MCF2: variants seen among roughly 807,000 people sequenced by gnomAD.
MCF2 encodes MCF.2 cell line derived transforming sequence, also known as proto-oncogene DBL.
MCF2 carries 44 observed loss-of-function variants against 82.5 expected under a neutral mutation model. The ratio of observed to expected loss-of-function variants is 0.53; its 90% CI spans 0.42 to 0.69. The LOEUF is 0.69. Ranked by LOEUF, MCF2 falls within the 30% of genes least tolerant of loss-of-function variation. The probability of loss-of-function intolerance (pLI) is 0.00; values close to 1 mark genes in which losing one functional copy is unlikely to be tolerated. For missense variants in MCF2, 623 were observed against 663.1 expected, an observed-to-expected ratio of 0.94 and a Z score of 0.66; for synonymous variants, 217 against 224.9, an observed-to-expected ratio of 0.96 and a Z score of 0.32.
intron 1 of MCF2, among the ~76,000 whole-genome samples, chrX:139,678,232 C>A (rs374273027): frequency 1.5e-4 from 17 of 111,901 alleles, no homozygotes; most frequent in African/African-American, 5.5e-4. Context: ...AGGCCAAAAT[C>A]ATTACTTAGG....
At chrX:139,628,040 A>G (rs1189582721) in intron 4 of MCF2, among the ~76,000 whole-genome samples, 1 of 112,279 alleles carries the variant, frequency 8.9e-6, no homozygotes, top group African/African-American at 3.2e-5. Flanking sequence ...GATGTAAATT[A>G]GTTCAGTCAC....
chrX:139,700,980 T>C (rs1935482371), intron 1 of MCF2, among the ~76,000 whole-genome samples: 2 of 111,202 alleles, frequency 1.8e-5, no homozygotes, highest in African/African-American at 3.3e-5. Context: ...TAAAAGACTC[T>C]AATGTGGGAA....
In MCF2 at chrX:139,681,063, T is replaced by G. The variant is rs183100025; in HGVS notation, c.-45+27043A>C. The stretch of plus-strand genomic sequence containing the variant: ...GCAAACTCAAAGATGCCCCCAAATA[T>G]GCATATTCCTTCTAATTGCCATCAA... On this transcript the variant is annotated intron_variant, in intron 1 of 27. Coordinates refer to the MCF2 transcript ENST00000414978. Among the ~76,000 whole-genome samples the G allele has an allele frequency of 2.1e-3, 241 of 112,542 alleles. 1 individual carries two copies. The highest frequency in any genetic ancestry group is 3.7e-3 in the Non-Finnish European group (198 of 53,338).
exon 15 of MCF2, chrX:139,604,682 C>G: frequency 8.5e-7 from 1 of 1,170,848 alleles, no homozygotes; most frequent in South Asian, 2.0e-5. Flanking sequence ...TTAACTAACC[C>G]TTTCCAGGAA....
intron 1 of MCF2, among the ~76,000 whole-genome samples, chrX:139,675,347 C>T (rs928054972): frequency 1.8e-5 from 2 of 112,460 alleles, no homozygotes; most frequent in East Asian, 2.8e-4. Context: ...CCATTGCTGG[C>T]GAGGAGATGC....
At chrX:139,701,218 C>A (rs1022012394) in intron 1 of MCF2, among the ~76,000 whole-genome samples, 3 of 111,791 alleles carry the variant, frequency 2.7e-5, no homozygotes, top group African/African-American at 9.8e-5. Flanking sequence ...CCTATAAATA[C>A]CCCCACCAGT....
intron 19 of MCF2, among the ~76,000 whole-genome samples, chrX:139,595,212 C>A (rs1371502094): frequency 9.2e-6 from 1 of 108,608 alleles, no homozygotes; most frequent in East Asian, 2.9e-4. Context: ...TTTGACCCAG[C>A]CATCCCATTA....
chrX:139,582,104 T>C, exon 25 of MCF2: 1 of 242,894 alleles, frequency 4.1e-6, no homozygotes, highest in Non-Finnish European at 7.4e-6. Context: ...TACTTGACCT[T>C]AGCCATTTTG....
intron 6 of MCF2, among the ~76,000 whole-genome samples, chrX:139,625,123 T>A (rs17002177): frequency 0.011 from 1,195 of 111,467 alleles, 15 homozygotes; most frequent in African/African-American, 0.037. Context: ...CATGTCACTA[T>A]GAGACACACC....
At chrX:139,604,782 G>A in intron 14 of MCF2, 32 bp from the exon 19 acceptor site, 2 of 1,117,448 alleles carry the variant, frequency 1.8e-6, no homozygotes, top group Non-Finnish European at 2.4e-6. Flanking sequence ...AAAATTGCAT[G>A]ATTTTATGTG....
At chrX:139,588,708 T>G (rs1929203910) in intron 20 of MCF2, among the ~76,000 whole-genome samples, 1 of 109,616 alleles carries the variant, frequency 9.1e-6, no homozygotes, top group East Asian at 2.9e-4. Context: ...CCCAGGAGTT[T>G]GAGACCAGCC....
intron 1 of MCF2, among the ~76,000 whole-genome samples, chrX:139,696,404 T>C (rs1935386014): frequency 9.4e-6 from 1 of 106,044 alleles, no homozygotes; most frequent in South Asian, 4.5e-4. Context: ...CTCCTCTTCT[T>C]TTCTTTTTGT....
intron 1 of MCF2, among the ~76,000 whole-genome samples, chrX:139,680,845 C>T (rs1384909459): frequency 8.9e-6 from 1 of 112,324 alleles, no homozygotes; most frequent in African/African-American, 3.2e-5. Flanking sequence ...AATGGTAAAT[C>T]CAATTAAAAT....
At chrX:139,582,821 T>C (rs1207537550) in intron 24 of MCF2, among the ~76,000 whole-genome samples, 3 of 112,273 alleles carry the variant, frequency 2.7e-5, no homozygotes, top group East Asian at 2.8e-4. Flanking sequence ...AATGCCTTCA[T>C]AGATCATCTA....
chrX:139,622,151 A>G (rs1204678166), intron 6 of MCF2, among the ~76,000 whole-genome samples: 1 of 112,575 alleles, frequency 8.9e-6, no homozygotes, highest in East Asian at 2.8e-4. Flanking sequence ...ACTGGCCATC[A>G]GAGAAATGCA....
exon 1 of MCF2, chrX:139,642,736 T>C (rs1429497257): frequency 1.3e-5 from 14 of 1,064,465 alleles, no homozygotes; most frequent in Non-Finnish European, 1.7e-5. Flanking sequence ...ATCCTTCCCT[T>C]CTGCTCCTTG....
intron 6 of MCF2, among the ~76,000 whole-genome samples, chrX:139,621,518 T>C (rs1308717212): frequency 9.0e-6 from 1 of 110,502 alleles, no homozygotes; most frequent in Non-Finnish European, 1.9e-5. Context: ...AACTAATAAC[T>C]CTCAAAACAC....
rs953588008 is a variant in MCF2 at position 139,660,955 on chromosome X, C to A, written c.-44-9167G>T. Among the ~76,000 whole-genome samples, 3 of 111,492 alleles carry A rather than the reference C, an allele frequency of 2.7e-5. No individual in the cohort carries two copies. The East Asian group carries it at 8.4e-4, about 31-fold the overall frequency. ...AATTAAGAGAAGATGGAAATATATA[C>A]AAACTACTGGCCATAATATAAGGCA... On this transcript the variant is annotated intron_variant, in intron 1 of 27. Transcript: ENST00000414978.
intron 15 of MCF2, 100 bp from the exon 20 acceptor site, chrX:139,602,598 T>C (rs1462191974): frequency 3.5e-6 from 2 of 570,630 alleles, no homozygotes; most frequent in East Asian, 3.4e-5. Flanking sequence ...TCCTAGGAAA[T>C]GTGGCCTAAA....
Sources: gnomAD v4.1 joint callset for allele counts (sites outside exome capture counted in the v4.1 genomes callset) on GRCh38, gnomAD v4.1.1 for gene constraint, MANE v1.5 for transcripts, NCBI Gene and HGNC (gene_info 2026-07-23, HGNC 2026-07-21) for gene names.